The following TFRC variants were observed in gnomAD, a reference collection of about 807,000 sequenced individuals.
The protein encoded by TFRC is transferrin receptor.
TFRC carries 35 observed loss-of-function variants against 85.8 expected under a neutral mutation model. That is an observed-to-expected ratio of 0.41 (90% CI 0.31 to 0.54). The LOEUF is 0.54. TFRC is among the 20% of genes least tolerant of loss of function. The probability of loss-of-function intolerance (pLI) is 0.31; values close to 1 mark genes in which losing one functional copy is unlikely to be tolerated. For missense variants in TFRC, 828 were observed against 921.5 expected, an observed-to-expected ratio of 0.90 and a Z score of 1.31; for synonymous variants, 362 against 328.6, an observed-to-expected ratio of 1.10 and a Z score of -1.10.
At chr3:196,075,046 C>CAAAAAAAAAAAAAA (rs56119775) in intron 3 of TFRC, 113 bp downstream of exon 3, 1 of 461,646 alleles carries the variant, frequency 2.2e-6, no homozygotes, top group African/African-American at 3.4e-5. Flanking sequence ...CCTCTGTCTC[C>CAAAAAAAAAAAAAA]AAAAAAAAAA....
intron 1 of TFRC, among the ~76,000 whole-genome samples, chr3:196,081,578 G>A (rs1358642617): frequency 6.6e-6 from 1 of 152,180 alleles, no homozygotes; most frequent in African/African-American, 2.4e-5. Context: ...CGCACGCCGC[G>A]CAGCTGCACC....
chr3:196,058,430 TC>T, intron 15 of TFRC, 65 bp from the exon 16 acceptor site: 2 of 1,515,524 alleles, frequency 1.3e-6, no homozygotes, highest in Non-Finnish European at 1.8e-6. Context: ...ATCGTGCTAG[TC>T]CCCCCATCCA....
At position 196,075,167 on chromosome 3, in the gene TFRC, A is replaced by G. The variant is rs1560089709; in HGVS notation, c.230T>C (p.Phe77Ser). The G allele has an allele frequency of 1.2e-6, 2 of 1,614,022 alleles. No homozygotes were observed. Among genetic ancestry groups the G allele is most frequent in the African/African-American group, 2.7e-5 (2 of 74,928 alleles). The change falls in exon 3 of 19, where the codon TTC (phenylalanine) becomes TCC (serine). Residue 77 changes from phenylalanine to serine, a missense_variant. By Grantham distance (155) the Phe-to-Ser change is radical. Coordinates refer to ENST00000360110, the MANE Select transcript of TFRC (RefSeq NM_001128148.3). ...GGAATGGTCATTCTCACCAATCAAG[A>G]AAAAGACGATCACAGCAATAGTCCC... ...CYGTIAVIVFFLIGFMIGYLG... is the reference protein window; with the variant it reads ...CYGTIAVIVFSLIGFMIGYLG...
chr3:196,068,610 C>CA (rs55807772), intron 7 of TFRC, among the ~76,000 whole-genome samples: 3,446 of 41,784 alleles, frequency 0.082, 153 homozygotes, highest in Middle Eastern at 0.13. Flanking sequence ...AACTCCCTCT[C>CA]AAAAAAAAAA....
intron 7 of TFRC, among the ~76,000 whole-genome samples, chr3:196,068,808 G>C (rs1383388942): frequency 6.6e-6 from 1 of 150,584 alleles, no homozygotes; most frequent in Non-Finnish European, 1.5e-5. Context: ...GTGGGCACCT[G>C]TAATCCCAGC....
In TFRC at chr3:196,077,127, G is replaced by T; in HGVS notation, c.-23-5C>A. 1 of 1,608,664 alleles carries T rather than the reference G, an allele frequency of 6.2e-7. No homozygotes were observed. Among genetic ancestry groups the T allele is most frequent in the Non-Finnish European group, 8.5e-7 (1 of 1,175,666 alleles). On this transcript the variant is annotated splice_polypyrimidine_tract_variant and splice_region_variant and intron_variant, in intron 1 of 18. Coordinates refer to ENST00000360110, the MANE Select transcript of TFRC (RefSeq NM_001128148.3). ...TGAACTGCCACACAGAAGAACCTAG[G>T]TATCAGAATAGAGAATTATTGAGAA...
rs1034555177 is a variant in TFRC at position 196,050,251 on chromosome 3, G to A, written c.*1691C>T. On this transcript the variant is annotated 3_prime_UTR_variant, in exon 19 of 19. Transcript: ENST00000360110. Reference sequence around the variant, plus strand: ...TATGCTACTATCTCATTAAGTAGAGGACCTGGAGAAACCATAAAGGTAACA... The same window carrying A: ...TATGCTACTATCTCATTAAGTAGAGAACCTGGAGAAACCATAAAGGTAACA... 6 of 223,416 alleles carry A rather than the reference G, an allele frequency of 2.7e-5. No individual in the cohort carries two copies. Among genetic ancestry groups the A allele is most frequent in the Non-Finnish European group, 5.4e-5 (6 of 112,084 alleles). 13.8% of individuals were successfully genotyped at this position (223,416 alleles called of 1,614,324 possible).
intron 6 of TFRC, among the ~76,000 whole-genome samples, chr3:196,070,774 A>AAATAATAAT (rs58386151): frequency 0.058 from 7,825 of 135,720 alleles, 279 homozygotes; most frequent in Non-Finnish European, 0.08. Context: ...TGTCTCTACC[A>AAATAATAAT]AATAATAATA....
At chr3:196,073,203 C>T (rs143781869) in intron 4 of TFRC, among the ~76,000 whole-genome samples, 3 of 149,216 alleles carry the variant, frequency 2.0e-5, no homozygotes, top group African/African-American at 7.4e-5. Context: ...CTGGGCAACA[C>T]GTAAGACTCC....
At chr3:196,069,970 A>C (rs185551520) in intron 6 of TFRC, among the ~76,000 whole-genome samples, 1 of 152,314 alleles carries the variant, frequency 6.6e-6, no homozygotes, top group Non-Finnish European at 1.5e-5. Context: ...TATTACAACA[A>C]AGTGACTTGC....
Position 196,075,357 on chromosome 3 carries a change from C to T in TFRC, c.40G>A (p.Gly14Ser). Residue 14 changes from glycine to serine, a missense_variant, in exon 3 of 19, where the codon GGT (glycine) becomes AGT (serine). Physicochemically the swap from Gly to Ser is moderately conservative, Grantham distance 56. Transcript: ENST00000360110. ...CGGGTATATGACAATGGTTCTCCAC[C>T]AAACTGTGTTGCGGAAAAAGGCATG... is the stretch of plus-strand genomic sequence containing the variant. Reference protein sequence around the residue: ...QARSAFSNLFGGEPLSYTRFS... With the variant: ...QARSAFSNLFSGEPLSYTRFS... 1 of 1,614,102 alleles carries T rather than the reference C, an allele frequency of 6.2e-7. No homozygotes were observed. Among genetic ancestry groups the T allele is most frequent in the Middle Eastern group, 1.6e-4 (1 of 6,062 alleles).
At chr3:196,081,955 G>T (rs959397876) in intron 1 of TFRC, 88 bp downstream of exon 1, 1 of 152,410 alleles carries the variant, frequency 6.6e-6, no homozygotes, top group African/African-American at 2.4e-5. Flanking sequence ...TATGGCTGCT[G>T]GACAGCACCG....
At chr3:196,064,175 T>C (rs564252017) in intron 11 of TFRC, 134 bp downstream of exon 11, 141 of 961,446 alleles carry the variant, frequency 1.5e-4, no homozygotes, top group Non-Finnish European at 1.9e-4. Context: ...CAAAAGACAA[T>C]CTGCCTTGTA....
Position 196,053,461 on chromosome 3 carries a change from G to A in TFRC, c.1997C>T (p.Thr666Ile). 6.2e-7 allele frequency: 1 copy of A among 1,614,160 alleles called. No individual in the cohort carries two copies. The highest frequency in any genetic ancestry group is 8.5e-7 in the Non-Finnish European group (1 of 1,180,024). The change falls in exon 18 of 19, where the codon ACA (threonine) becomes ATA (isoleucine). Residue 666 changes from threonine (T) to isoleucine (I), a missense_variant. Coordinates refer to ENST00000360110, the MANE Select transcript of TFRC (RefSeq NM_001128148.3). ...GAGTTTCTTCATGACAAATCTGTCT[G>A]TTTTCTCAGCATTCCCGAAATCTGT... ...LTTDFGNAEK[T>I]DRFVMKKLND...
intron 3 of TFRC, among the ~76,000 whole-genome samples, 198 bp downstream of exon 3, chr3:196,074,961 G>A (rs528889629): frequency 1.4e-5 from 2 of 146,924 alleles, no homozygotes; most frequent in South Asian, 2.1e-4. Context: ...GCAGAGAATC[G>A]CTTAAACCTG....
At position 196,065,578 on chromosome 3, in the gene TFRC, A is replaced by T; in HGVS notation, c.1063T>A (p.Ser355Thr). The change falls in exon 10 of 19, where the codon TCT becomes ACT. Residue 355 changes from serine to threonine, a missense_variant. Transcript: ENST00000360110. ...LFGNMEGDCP[S>T]DWKTDSTCRM... is the part of the protein sequence containing the mutation. ...CATGTAGAGTCTGTTTTCCAGTCAG[A>T]GGGACAGTCTCCTTCCATATTCCTA... The T allele has an allele frequency of 6.2e-7, 1 of 1,608,324 alleles. No homozygotes were observed. The highest frequency in any genetic ancestry group is 8.5e-7 in the Non-Finnish European group (1 of 1,178,724).
chr3:196,062,779 T>C lies in TFRC; in HGVS notation c.1404+75A>G, dbSNP rs1307787145. 3 of 1,581,126 alleles carry C rather than the reference T, an allele frequency of 1.9e-6. No individual in the cohort carries two copies. In the African/African-American group the frequency reaches 4.1e-5, roughly 21 times the overall value. On this transcript the variant is annotated intron_variant, in intron 12 of 18. Transcript: ENST00000360110. ...GGCAAAAGTGGTAAAATCAAACCTATAAAAACATCACTTCTGGACAACAGC... is the reference window on the plus strand; with the variant it reads ...GGCAAAAGTGGTAAAATCAAACCTACAAAAACATCACTTCTGGACAACAGC...
In TFRC at chr3:196,062,629, A is replaced by G. The variant is rs769147441; in HGVS notation, c.1421T>C (p.Leu474Pro). Reference protein sequence around the residue: ...TEWLEGYLSSLHLKAFTYINL... With the variant: ...TEWLEGYLSSPHLKAFTYINL... ...AATATAAGTGAAAGCCTTTAAATGC[A>G]GGGACGAAAGGTATCCCTAGAAGAG... is the stretch of plus-strand genomic sequence containing the variant. The change falls in exon 13 of 19, where the codon CTG (leucine) becomes CCG (proline). Residue 474 changes from leucine (L) to proline (P), a missense_variant. Physicochemically the swap from Leu to Pro is moderately conservative, Grantham distance 98. Coordinates refer to ENST00000360110, the MANE Select transcript of TFRC (RefSeq NM_001128148.3). 4.3e-6 allele frequency: 7 copies of G among 1,609,216 alleles called. No individual in the cohort carries two copies. In the African/African-American group the frequency reaches 6.7e-5, roughly 15 times the overall value.
Sources: allele counts gnomAD v4.1 joint callset (sites outside exome capture counted in the v4.1 genomes callset), GRCh38; gene constraint gnomAD v4.1.1; transcripts MANE v1.5; gene names NCBI Gene and HGNC (gene_info 2026-07-23, HGNC 2026-07-21).